The following UBE2Q2 variants were observed in gnomAD, a reference collection of about 807,000 sequenced individuals.
UBE2Q2 encodes the protein ubiquitin-conjugating enzyme E2 Q2.
UBE2Q2 carries 54 observed loss-of-function variants against 59.9 expected under a neutral mutation model. The observed-to-expected ratio is 0.90, with a 90% CI of 0.72 to 1.13. The LOEUF is 1.13. UBE2Q2 is among the 50% of genes most tolerant of loss of function. The pLI, the probability that UBE2Q2 is intolerant of heterozygous loss-of-function variation, is 0.00. For missense variants in UBE2Q2, 433 were observed against 441.9 expected (o/e 0.98, Z 0.18); for synonymous variants, 165 against 155.2 (o/e 1.06, Z -0.47).
chr15:75,843,816 G>C lies in UBE2Q2; in HGVS notation c.150G>C (p.Pro50=). ...VPQQGSPHSL[P]PPLTLHCNIT... is the part of the protein sequence containing the mutation. Reference sequence around the variant, plus strand: ...AGCAGGGCAGCCCGCACTCGCTGCCGCCGCCACTCACGCTCCACTGCAACA... The same window carrying C: ...AGCAGGGCAGCCCGCACTCGCTGCCCCCGCCACTCACGCTCCACTGCAACA... The change falls in exon 1 of 13, where the codon CCG becomes CCC. Residue 50 remains proline (P), a synonymous_variant. Transcript: ENST00000267938. 1 of 1,599,140 alleles carries C rather than the reference G, an allele frequency of 6.3e-7. No homozygotes were observed. Among genetic ancestry groups the C allele is most frequent in the Non-Finnish European group, 8.5e-7 (1 of 1,174,764 alleles).
intron 1 of UBE2Q2, chr15:75,844,081 GCTTCTGGCCCATCTCGGTCCCCGT>G: frequency 7.1e-7 from 1 of 1,411,994 alleles, no homozygotes; most frequent in Non-Finnish European, 9.2e-7. Flanking sequence ...TGGCTTGGGG[GCTTCTGGCCCATCTCGGTCCCCGT>G]CTCCTAGCCC....
intron 1 of UBE2Q2, chr15:75,844,678 A>G: frequency 1.8e-6 from 1 of 559,046 alleles, no homozygotes; most frequent in South Asian, 2.5e-5. Flanking sequence ...AAAGGAATTG[A>G]AGTATTAAGT....
At chr15:75,878,827 A>AT (rs1212824548) in intron 7 of UBE2Q2, among the ~76,000 whole-genome samples, 1 of 151,854 alleles carries the variant, frequency 6.6e-6, no homozygotes, top group Non-Finnish European at 1.5e-5. Flanking sequence ...TCATGTGACT[A>AT]TTTTCCTTTA....
chr15:75,863,893 G>A (rs1027183347), intron 3 of UBE2Q2, among the ~76,000 whole-genome samples: 1 of 151,984 alleles, frequency 6.6e-6, no homozygotes, highest in African/African-American at 2.4e-5. Flanking sequence ...GCCCACCTCG[G>A]CCTCCCAGAG....
intron 1 of UBE2Q2, among the ~76,000 whole-genome samples, chr15:75,850,277 T>C (rs1342573387): frequency 1.3e-5 from 2 of 152,210 alleles, no homozygotes; most frequent in Non-Finnish European, 2.9e-5. Context: ...ACTATCAGAA[T>C]TTTGTATCTT....
At chr15:75,846,566 C>T (rs978826109) in intron 1 of UBE2Q2, among the ~76,000 whole-genome samples, 4 of 152,064 alleles carry the variant, frequency 2.6e-5, no homozygotes, top group African/African-American at 9.7e-5. Context: ...AATGACATGG[C>T]TTGTTCATGT....
chr15:75,868,304 C>T (rs750876395), intron 3 of UBE2Q2, among the ~76,000 whole-genome samples: 3 of 152,152 alleles, frequency 2.0e-5, no homozygotes, highest in Non-Finnish European at 2.9e-5. Context: ...ATATGAAAGT[C>T]CTTCCTAAAA....
rs138078011 is a variant in UBE2Q2 at position 75,843,794 on chromosome 15, A to G, written c.128A>G (p.Gln43Arg). 1.9e-6 allele frequency: 3 copies of G among 1,606,974 alleles called. No individual in the cohort carries two copies. Among genetic ancestry groups the G allele is most frequent in the African/African-American group, 2.7e-5 (2 of 74,292 alleles). The change falls in exon 1 of 13, where the codon CAG becomes CGG. Residue 43 changes from glutamine to arginine, a missense_variant. Physicochemically the swap from Gln to Arg is conservative, Grantham distance 43. Coordinates refer to ENST00000267938, the MANE Select transcript of UBE2Q2 (RefSeq NM_173469.4). ...ELHCQFLVPQ[Q>R]GSPHSLPPPL... ...CACTGCCAGTTCCTGGTGCCGCAGC[A>G]GGGCAGCCCGCACTCGCTGCCGCCG...
Position 75,869,009 on chromosome 15 carries a change from A to C in UBE2Q2, c.446A>C (p.Glu149Ala), listed in dbSNP as rs1219059988. ...GAGGAAGAAGAAGAAGAGATGGCTG[A>C]AGTAGGTATTTTATATAAAAGAAGA... ...EEEEEEEEMA[E>A]DIEDLDHYEM... The change falls in exon 4 of 13, where the codon GAA becomes GCA. Residue 149 changes from glutamate (E) to alanine (A), a missense_variant and splice_region_variant. Glu to Ala is a moderately radical substitution (Grantham distance 107). Coordinates refer to ENST00000267938, the MANE Select transcript of UBE2Q2 (RefSeq NM_173469.4). 5 of 1,611,090 alleles carry C rather than the reference A, an allele frequency of 3.1e-6. No individual in the cohort carries two copies. The African/African-American group carries it at 4.0e-5, about 13-fold the overall frequency.
At chr15:75,852,692 C>T (rs1896692808) in intron 1 of UBE2Q2, among the ~76,000 whole-genome samples, 1 of 152,074 alleles carries the variant, frequency 6.6e-6, no homozygotes, top group South Asian at 2.1e-4. Context: ...GGTGTATTCC[C>T]AATGTGTGCT....
chr15:75,878,116 CT>C, intron 7 of UBE2Q2, 95 bp downstream of exon 7: 2 of 1,020,316 alleles, frequency 2.0e-6, no homozygotes, highest in Non-Finnish European at 2.9e-6. Context: ...TATACTATGG[CT>C]TTTACTTAGA....
intron 3 of UBE2Q2, among the ~76,000 whole-genome samples, chr15:75,865,827 A>G (rs887653739): frequency 3.3e-5 from 5 of 151,544 alleles, no homozygotes; most frequent in African/African-American, 9.7e-5. Context: ...TTAACCTAGA[A>G]AGGGTTTAAA....
Position 75,843,601 on chromosome 15 carries a change from C to T in UBE2Q2, c.-66C>T. 1 of 1,442,428 alleles carries T rather than the reference C, an allele frequency of 6.9e-7. No individual in the cohort carries two copies. The highest frequency in any genetic ancestry group is 2.4e-5 in the Admixed American group (1 of 41,542). 89.4% of individuals were successfully genotyped at this position (1,442,428 alleles called of 1,614,324 possible). A position where few individuals can be genotyped will look rare whatever the true frequency, so the allele number is the denominator to read the frequency against. ...GCGGTCGCGGCCGTGACGGCGGCTC[C>T]GGGCCCGGCTCCCCTTCCGCGCCCG... On this transcript the variant is annotated 5_prime_UTR_variant, in exon 1 of 13. Transcript: ENST00000267938.
intron 3 of UBE2Q2, among the ~76,000 whole-genome samples, chr15:75,868,652 A>G (rs1475983321): frequency 6.6e-6 from 1 of 152,114 alleles, no homozygotes; most frequent in Non-Finnish European, 1.5e-5. Context: ...ATGTTTTCTT[A>G]TTTTAAATTA....
chr15:75,891,204 CACTT>C (rs1190854237), intron 11 of UBE2Q2, among the ~76,000 whole-genome samples, 190 bp downstream of exon 11: 4 of 152,072 alleles, frequency 2.6e-5, no homozygotes, highest in Non-Finnish European at 2.9e-5. Flanking sequence ...AATTGATAAT[CACTT>C]AATGATTTCG....
At chr15:75,877,512 T>A (rs986876893) in intron 6 of UBE2Q2, among the ~76,000 whole-genome samples, 16 of 152,092 alleles carry the variant, frequency 1.1e-4, no homozygotes, top group Non-Finnish European at 1.8e-4. Context: ...TGGAATTTGT[T>A]AAAGCATATC....
rs1283641843 is a variant in UBE2Q2, at chr15:75,866,097, G to A, written c.388-2854G>A. ...GCCTATCTCATTCTTAATTCTTTCT[G>A]TGTATTTTATTTTTTCTTTCTGGTA... On this transcript the variant is annotated intron_variant, in intron 3 of 12. Transcript: ENST00000267938. Among the ~76,000 whole-genome samples, 6 of 151,728 alleles carry A rather than the reference G, an allele frequency of 4.0e-5. No individual in the cohort carries two copies. The East Asian group carries it at 1.2e-3, about 29-fold the overall frequency.
intron 6 of UBE2Q2, among the ~76,000 whole-genome samples, chr15:75,876,719 T>C (rs1251449577): frequency 2.6e-5 from 4 of 152,366 alleles, no homozygotes; most frequent in South Asian, 4.1e-4. Context: ...TATATAAGTT[T>C]TTAAAGTTTT....
intron 6 of UBE2Q2, among the ~76,000 whole-genome samples, chr15:75,876,988 C>T (rs1324430145): frequency 6.6e-6 from 1 of 151,946 alleles, no homozygotes. Context: ...GAGCGAAGCC[C>T]CATCTCTACT....
Sources: allele counts gnomAD v4.1 joint callset (sites outside exome capture counted in the v4.1 genomes callset), GRCh38; gene constraint gnomAD v4.1.1; transcripts MANE v1.5; gene names NCBI Gene and HGNC (gene_info 2026-07-23, HGNC 2026-07-21).